TTLL1: variants seen among roughly 807,000 people sequenced by gnomAD.
The protein encoded by TTLL1 is polyglutamylase complex subunit TTLL1.
Under a neutral mutation model 47.8 loss-of-function variants are expected in TTLL1, and 33 were observed. The observed-to-expected ratio is 0.69, with a 90% CI of 0.52 to 0.92. The LOEUF (loss-of-function observed/expected upper bound fraction) is 0.92, where lower values mean the gene tolerates loss of function less well. Ranked by LOEUF, TTLL1 falls within the 40% of genes least tolerant of loss-of-function variation. TTLL1 has a pLI of 0.00. For synonymous variants in TTLL1, 225 were observed against 214.1 expected, an observed-to-expected ratio of 1.05 and a Z score of -0.45; for missense variants, 488 against 547.5, an observed-to-expected ratio of 0.89 and a Z score of 1.08.
At chr22:43,071,553 A>C (rs1370795340) in intron 3 of TTLL1, among the ~76,000 whole-genome samples, 1 of 152,130 alleles carries the variant, frequency 6.6e-6, no homozygotes, top group African/African-American at 2.4e-5. Flanking sequence ...GGGATTACAG[A>C]CATGAACCAC....
At chr22:43,081,644 GGT>G (rs1218962912) in intron 1 of TTLL1, among the ~76,000 whole-genome samples, 1 of 151,922 alleles carries the variant, frequency 6.6e-6, no homozygotes, top group Non-Finnish European at 1.5e-5. Flanking sequence ...CCGCCTCCTG[GGT>G]TCAAGCATTC....
chr22:43,084,299 C>T (rs527860200), intron 1 of TTLL1, among the ~76,000 whole-genome samples: 25 of 151,820 alleles, frequency 1.6e-4, no homozygotes, highest in Middle Eastern at 6.9e-3. Flanking sequence ...TACAGGCACC[C>T]GCCACGATGC....
At chr22:43,085,616 C>G (rs1010436054) in intron 1 of TTLL1, among the ~76,000 whole-genome samples, 3 of 152,170 alleles carry the variant, frequency 2.0e-5, no homozygotes, top group African/African-American at 7.2e-5. Flanking sequence ...TCATCTTCCG[C>G]CATGATTGTG....
chr22:43,085,408 A>G (rs1192727792), intron 1 of TTLL1, among the ~76,000 whole-genome samples: 1 of 152,210 alleles, frequency 6.6e-6, no homozygotes, highest in African/African-American at 2.4e-5. Context: ...CTGTATCCCA[A>G]TCTCAACTTG....
chr22:43,049,172 T>G (rs535280292), intron 9 of TTLL1, among the ~76,000 whole-genome samples: 1 of 150,374 alleles, frequency 6.7e-6, no homozygotes, highest in African/African-American at 2.4e-5. Context: ...CTCACACTTG[T>G]AATTCCAGCA....
In TTLL1 at chr22:43,051,790, C is replaced by T. The variant is rs1353924795; in HGVS notation, c.978+11G>A. On this transcript the variant is annotated intron_variant, in intron 9 of 10. Coordinates refer to ENST00000266254, the MANE Select transcript of TTLL1 (RefSeq NM_012263.5). ...TGTGGTGTGACCAGGTGCAGGTGCT[C>T]CCGCAGTTACCTCGATCAGCCAGGG... The T allele has an allele frequency of 6.2e-7, 1 of 1,613,896 alleles. No individual in the cohort carries two copies. The highest frequency in any genetic ancestry group is 1.7e-5 in the Admixed American group (1 of 59,982).
chr22:43,047,801 T>C (rs1367630839), intron 9 of TTLL1, among the ~76,000 whole-genome samples: 1 of 151,958 alleles, frequency 6.6e-6, no homozygotes, highest in Non-Finnish European at 1.5e-5. Flanking sequence ...TTTTAGGCAC[T>C]GTTCTAATGA....
intron 2 of TTLL1, among the ~76,000 whole-genome samples, chr22:43,078,057 G>A (rs527419691): frequency 6.6e-6 from 1 of 151,776 alleles, no homozygotes; most frequent in East Asian, 2.0e-4. Context: ...CTGTGAGCCA[G>A]GATGACGCCA....
At chr22:43,042,874 A>AG (rs1555956061) in intron 10 of TTLL1, among the ~76,000 whole-genome samples, 1 of 149,250 alleles carries the variant, frequency 6.7e-6, no homozygotes, top group Non-Finnish European at 1.5e-5. Flanking sequence ...TGGATCAGGG[A>AG]GGGGGGTTCA....
chr22:43,069,391 CAAAAAAAAAA>C (rs1303585838), intron 4 of TTLL1, among the ~76,000 whole-genome samples: 1 of 60,036 alleles, frequency 1.7e-5, no homozygotes, highest in Non-Finnish European at 3.8e-5. Context: ...GATTCTGTCT[CAAAAAAAAAA>C]AAAAAAAAAC....
chr22:43,073,347 ATTTAT>A (rs1928257355), intron 3 of TTLL1, among the ~76,000 whole-genome samples: 2 of 144,074 alleles, frequency 1.4e-5, no homozygotes, highest in East Asian at 4.1e-4. Context: ...TTATTTATTT[ATTTAT>A]TTATTTATTT....
chr22:43,053,737 C>A (rs745618681), intron 8 of TTLL1, among the ~76,000 whole-genome samples: 1 of 152,206 alleles, frequency 6.6e-6, no homozygotes, highest in Non-Finnish European at 1.5e-5. Context: ...AAATAAATTC[C>A]TGCTCCCAAA....
chr22:43,039,705 G>A lies in TTLL1; in HGVS notation c.*71C>T. ...GGAAAGGAAAAAAGCTCTACAAAAG[G>A]GAAATTTCAAAATAGGGCTTCAGCA... On this transcript the variant is annotated 3_prime_UTR_variant, in exon 11 of 11. Coordinates refer to ENST00000266254, the MANE Select transcript of TTLL1 (RefSeq NM_012263.5). 1 of 1,484,872 alleles carries A rather than the reference G, an allele frequency of 6.7e-7. No homozygotes were observed. The highest frequency in any genetic ancestry group is 2.4e-5 in the East Asian group (1 of 41,262). 92.0% of individuals were successfully genotyped at this position (1,484,872 alleles called of 1,614,324 possible). A position where few individuals can be genotyped will look rare whatever the true frequency, so the allele number is the denominator to read the frequency against.
At chr22:43,073,718 A>G (rs562895547) in intron 3 of TTLL1, among the ~76,000 whole-genome samples, 2 of 151,710 alleles carry the variant, frequency 1.3e-5, no homozygotes, top group African/African-American at 2.4e-5. Context: ...ACCCCCCCAT[A>G]CTGTTTAACA....
chr22:43,040,655 A>T (rs943526744), intron 10 of TTLL1, among the ~76,000 whole-genome samples: 4 of 152,218 alleles, frequency 2.6e-5, no homozygotes, highest in Non-Finnish European at 4.4e-5. Context: ...CATGTTGGCC[A>T]GGCTGGTCTC....
chr22:43,046,045 A>T (rs987561778), intron 10 of TTLL1, among the ~76,000 whole-genome samples: 2 of 151,986 alleles, frequency 1.3e-5, no homozygotes, highest in Non-Finnish European at 2.9e-5. Context: ...ACGTGGTGAA[A>T]CCCTGTCTAT....
At chr22:43,068,105 T>C (rs1400415800) in intron 5 of TTLL1, among the ~76,000 whole-genome samples, 1 of 147,390 alleles carries the variant, frequency 6.8e-6, no homozygotes, top group East Asian at 2.1e-4. Context: ...TGAGCCACCA[T>C]GCCCAGCCGC....
Position 43,069,849 on chromosome 22 carries a change from AAG to A in TTLL1, c.114-7_114-6del. Reference sequence around the variant, plus strand: ...CGGATGGTTTGCACACTCATCCTGAAAGAGATGAGCAGGAGAGACACTTGGCA... The same window carrying A: ...CGGATGGTTTGCACACTCATCCTGAAAGATGAGCAGGAGAGACACTTGGCA... On this transcript the variant is annotated splice_region_variant and splice_polypyrimidine_tract_variant and intron_variant, in intron 3 of 10. Coordinates refer to ENST00000266254, the MANE Select transcript of TTLL1 (RefSeq NM_012263.5). The A allele has an allele frequency of 6.2e-7, 1 of 1,613,980 alleles. No homozygotes were observed.
intron 5 of TTLL1, among the ~76,000 whole-genome samples, chr22:43,065,800 G>GC (rs920015555): frequency 3.6e-4 from 54 of 152,068 alleles, no homozygotes; most frequent in African/African-American, 1.3e-3. Flanking sequence ...GGGAGGCCGT[G>GC]CATGTGTGGG....
Sources: allele counts gnomAD v4.1 joint callset (sites outside exome capture counted in the v4.1 genomes callset), GRCh38; gene constraint gnomAD v4.1.1; transcripts MANE v1.5; gene names NCBI Gene and HGNC (gene_info 2026-07-23, HGNC 2026-07-21).